CCDC150: variants seen among roughly 807,000 people sequenced by gnomAD.
The protein encoded by CCDC150 is coiled-coil domain containing 150, also known as coiled-coil domain-containing protein 150.
Under a neutral mutation model 156.5 loss-of-function variants are expected in CCDC150, and 151 were observed. That is an observed-to-expected ratio of 0.97 (90% CI 0.85 to 1.10). The LOEUF (loss-of-function observed/expected upper bound fraction) is 1.10, where lower values mean the gene tolerates loss of function less well. Among genes scored for constraint, CCDC150 ranks in the 50% least tolerant of loss-of-function variants. The probability of loss-of-function intolerance (pLI) is 0.00; values close to 1 mark genes in which losing one functional copy is unlikely to be tolerated. For missense variants in CCDC150, 1,312 were observed against 1,268.1 expected, an observed-to-expected ratio of 1.03 and a Z score of -0.53; for synonymous variants, 452 against 429.4, an observed-to-expected ratio of 1.05 and a Z score of -0.65.
intron 2 of CCDC150, among the ~76,000 whole-genome samples, chr2:196,648,456 C>T (rs930471433): frequency 2.6e-5 from 4 of 151,704 alleles, no homozygotes; most frequent in Admixed American, 6.6e-5. Flanking sequence ...ATGTCTATTC[C>T]GGTTTTTGTC....
intron 15 of CCDC150, among the ~76,000 whole-genome samples, chr2:196,708,390 C>G (rs1696837188): frequency 6.6e-6 from 1 of 152,096 alleles, no homozygotes; most frequent in African/African-American, 2.4e-5. Context: ...TATTTTGAGT[C>G]TATTTGTGTC....
At chr2:196,646,274 G>T (rs531591279) in intron 1 of CCDC150, 67 bp from the exon 2 acceptor site, 1,402 of 1,439,386 alleles carry the variant, frequency 9.7e-4, no homozygotes, top group Non-Finnish European at 1.3e-3. Context: ...CCTGGCACAG[G>T]AATGGCAGTG....
At chr2:196,691,730 C>G (rs1575850189) in intron 13 of CCDC150, among the ~76,000 whole-genome samples, 1 of 152,074 alleles carries the variant, frequency 6.6e-6, no homozygotes, top group East Asian at 1.9e-4. Context: ...ATCACGAGGT[C>G]AGGAGTTTGA....
chr2:196,692,669 A>G (rs548692974), intron 13 of CCDC150, among the ~76,000 whole-genome samples: 1 of 152,140 alleles, frequency 6.6e-6, no homozygotes, highest in Admixed American at 6.5e-5. Context: ...TTCTAATTTG[A>G]TCGTGTTGTG....
At chr2:196,718,317 A>C in intron 17 of CCDC150, 186 bp from the exon 18 acceptor site, 1 of 395,770 alleles carries the variant, frequency 2.5e-6, no homozygotes, top group South Asian at 5.9e-5. Context: ...GGATTTGTCT[A>C]TGTTTATTCA....
rs1309266211 is a variant in CCDC150, at chr2:196,732,144, C to T, written c.3181C>T (p.Gln1061Ter). The T allele has an allele frequency of 6.2e-7, 1 of 1,613,790 alleles. No homozygotes were observed. The highest frequency in any genetic ancestry group is 1.7e-5 in the Admixed American group (1 of 59,994). ...GAGGCCTTCTGGGGAAGACAGGTGG[C>T]AGGAAAAGGTAAGATTAAGACATGG... ...LQRPSGEDRWQEKDQDVKHDV... is the reference protein window; with the variant it reads ...LQRPSGEDRW Residue 1061 changes from glutamine (Q) to a stop codon, truncating the protein, a stop_gained, in exon 27 of 28, where the codon CAG becomes TAG. Transcript: ENST00000389175. LOFTEE classifies it low-confidence loss of function (END_TRUNC).
chr2:196,721,251 T>C (rs1697864962), intron 20 of CCDC150, among the ~76,000 whole-genome samples: 1 of 146,330 alleles, frequency 6.8e-6, no homozygotes, highest in East Asian at 2.0e-4. Flanking sequence ...TGGGTCTGTT[T>C]TCCAAAGTTC....
At chr2:196,693,506 T>A in intron 13 of CCDC150, among the ~76,000 whole-genome samples, 1 of 152,254 alleles carries the variant, frequency 6.6e-6, no homozygotes, top group East Asian at 1.9e-4. Flanking sequence ...CTTATATCCT[T>A]CAGCCTTGAC....
intron 17 of CCDC150, chr2:196,713,406 C>A (rs1224664558): frequency 1.3e-6 from 2 of 1,533,002 alleles, no homozygotes; most frequent in East Asian, 4.9e-5. Context: ...TCTTCAAAAT[C>A]CCCCGAAATC....
rs767998042 is a variant in CCDC150, at chr2:196,646,459, G to A, written c.131G>A (p.Ser44Asn). 1 of 1,613,778 alleles carries A rather than the reference G, an allele frequency of 6.2e-7. No homozygotes were observed. Residue 44 changes from serine to asparagine, a missense_variant, in exon 2 of 28, where the codon AGT becomes AAT. Coordinates refer to ENST00000389175, the MANE Select transcript of CCDC150 (RefSeq NM_001080539.2). Reference sequence around the variant, plus strand: ...ATGAGAATAGTTGAGGAACAGACCAGTTCACTGAGGGATGACCTAATAATG... The same window carrying A: ...ATGAGAATAGTTGAGGAACAGACCAATTCACTGAGGGATGACCTAATAATG... ...QRMRIVEEQTSSLRDDLIMLD... is the reference protein window; with the variant it reads ...QRMRIVEEQTNSLRDDLIMLD...
At chr2:196,647,649 ATATT>A (rs950443116) in intron 2 of CCDC150, among the ~76,000 whole-genome samples, 1 of 152,100 alleles carries the variant, frequency 6.6e-6, no homozygotes, top group African/African-American at 2.4e-5. Flanking sequence ...ATAATTGTAT[ATATT>A]TATGGGGTAA....
At chr2:196,710,364 T>C (rs1373864495) in intron 15 of CCDC150, among the ~76,000 whole-genome samples, 1 of 151,392 alleles carries the variant, frequency 6.6e-6, no homozygotes, top group African/African-American at 2.4e-5. Context: ...AAAAGCACAG[T>C]ATTTGGGCAG....
At position 196,665,612 on chromosome 2, in the gene CCDC150, G is replaced by A. The variant is rs1208824681; in HGVS notation, c.691G>A (p.Glu231Lys). 12 of 1,606,272 alleles carry A rather than the reference G, an allele frequency of 7.5e-6. No homozygotes were observed. Among genetic ancestry groups the A allele is most frequent in the Non-Finnish European group, 1.0e-5 (12 of 1,176,614 alleles). The stretch of plus-strand genomic sequence containing the variant: ...GGAGAAGTACCTTAGGGAATCTTTA[G>A]AGAAATCAGCATCAGCCATGCTCCT... ...AQEKYLRESLEKSASAMLLKI... is the reference protein window; with the variant it reads ...AQEKYLRESLKKSASAMLLKI... The change falls in exon 6 of 28, where the codon GAG becomes AAG. Residue 231 changes from glutamate (E) to lysine (K), a missense_variant. Transcript: ENST00000389175.
chr2:196,720,056 C>G (rs1249001206), intron 19 of CCDC150: 1 of 366,750 alleles, frequency 2.7e-6, no homozygotes, highest in Non-Finnish European at 5.5e-6. Flanking sequence ...TTATTACTAT[C>G]CTGTTTCAAG....
chr2:196,724,557 G>A (rs1019506447), intron 21 of CCDC150, among the ~76,000 whole-genome samples: 4 of 152,024 alleles, frequency 2.6e-5, no homozygotes, highest in African/African-American at 9.7e-5. Context: ...GGTGGTTACT[G>A]TTGTTATTCC....
At chr2:196,663,822 A>G (rs943882015) in intron 5 of CCDC150, among the ~76,000 whole-genome samples, 32 of 152,264 alleles carry the variant, frequency 2.1e-4, no homozygotes, top group African/African-American at 7.5e-4. Context: ...CAGGTATAGT[A>G]TACTCTTAAT....
chr2:196,692,837 C>T (rs1483038176), intron 13 of CCDC150, among the ~76,000 whole-genome samples: 4 of 152,140 alleles, frequency 2.6e-5, no homozygotes, highest in Admixed American at 2.6e-4. Flanking sequence ...CTGTCACTTC[C>T]ATTTGATCTA....
At chr2:196,711,715 C>G (rs1697126818) in intron 15 of CCDC150, among the ~76,000 whole-genome samples, 1 of 152,118 alleles carries the variant, frequency 6.6e-6, no homozygotes, top group East Asian at 1.9e-4. Context: ...GTTCTCCACC[C>G]CATTCCATTC....
chr2:196,643,427 A>G, intron 1 of CCDC150, among the ~76,000 whole-genome samples: 1 of 152,188 alleles, frequency 6.6e-6, no homozygotes. Flanking sequence ...TTTTTTTAAA[A>G]CAAGTGAAGC....
Sources: gnomAD v4.1 joint callset for allele counts (sites outside exome capture counted in the v4.1 genomes callset) on GRCh38, gnomAD v4.1.1 for gene constraint, MANE v1.5 for transcripts, NCBI Gene and HGNC (gene_info 2026-07-23, HGNC 2026-07-21) for gene names.